Variants in ANKRD44 observed in about 807,000 individuals in gnomAD.
The protein encoded by ANKRD44 is serine/threonine-protein phosphatase 6 regulatory ankyrin repeat subunit B.
Under a neutral mutation model 116.0 loss-of-function variants are expected in ANKRD44, and 35 were observed. That is an observed-to-expected ratio of 0.30 (90% CI 0.23 to 0.40). The LOEUF (loss-of-function observed/expected upper bound fraction) is 0.40, where lower values mean the gene tolerates loss of function less well. Among genes scored for constraint, ANKRD44 ranks in the 10% least tolerant of loss-of-function variants. The pLI, the probability that ANKRD44 is intolerant of heterozygous loss-of-function variation, is 1.00. For synonymous variants in ANKRD44, 435 were observed against 461.8 expected, an observed-to-expected ratio of 0.94 and a Z score of 0.74; for missense variants, 1,014 against 1,242.6, an observed-to-expected ratio of 0.82 and a Z score of 2.77.
rs768204196 is a variant in ANKRD44 at position 197,136,528 on chromosome 2, G to A, written c.261+64C>T. 62 of 1,477,620 alleles carry A rather than the reference G, an allele frequency of 4.2e-5. No individual in the cohort carries two copies. In the South Asian group the frequency reaches 6.1e-4, roughly 15 times the overall value. 91.5% of individuals were successfully genotyped at this position (1,477,620 alleles called of 1,614,324 possible). A position where few individuals can be genotyped will look rare whatever the true frequency, so the allele number is the denominator to read the frequency against. On this transcript the variant is annotated intron_variant, in intron 4 of 27. Transcript: ENST00000282272. The stretch of plus-strand genomic sequence containing the variant: ...GCTTACCAGTAAGGATTCTTAATTC[G>A]CTAGCAAGACTTTTTCTTTTTCTAG...
At chr2:197,296,974 C>G (rs1392354303) in intron 1 of ANKRD44, among the ~76,000 whole-genome samples, 2 of 152,014 alleles carry the variant, frequency 1.3e-5, no homozygotes, top group African/African-American at 4.8e-5. Flanking sequence ...ATGAAGATTA[C>G]TCTATCAACT....
At chr2:197,115,872 T>G (rs1413169392) in intron 8 of ANKRD44, among the ~76,000 whole-genome samples, 1 of 152,070 alleles carries the variant, frequency 6.6e-6, no homozygotes, top group Non-Finnish European at 1.5e-5. Context: ...CAAAGAGATT[T>G]AGGAAATCGG....
Position 197,048,596 on chromosome 2 carries a change from G to A in ANKRD44, c.1651-23329C>T, listed in dbSNP as rs112106914. On this transcript the variant is annotated intron_variant, in intron 16 of 27. Coordinates refer to ENST00000282272, the MANE Select transcript of ANKRD44 (RefSeq NM_001195144.2). ...TCTTAATCCAGCCTATCATTGATGG[G>A]CATTTGGGTTGGTTCCAAGTCTTTG... is the stretch of plus-strand genomic sequence containing the variant. Among the ~76,000 whole-genome samples, 1,138 of 152,258 alleles carry A rather than the reference G, an allele frequency of 7.5e-3. 17 individuals carry two copies. Among genetic ancestry groups the A allele is most frequent in the African/African-American group, 0.026 (1,070 of 41,540 alleles).
At chr2:197,210,432 G>A (rs957653838) in intron 1 of ANKRD44, among the ~76,000 whole-genome samples, 3 of 152,232 alleles carry the variant, frequency 2.0e-5, no homozygotes, top group Non-Finnish European at 2.9e-5. Flanking sequence ...TAAAGCTAGT[G>A]AGGGGCTGAG....
chr2:197,109,623 C>T (rs552383781), intron 9 of ANKRD44, among the ~76,000 whole-genome samples: 25 of 152,018 alleles, frequency 1.6e-4, no homozygotes, highest in Admixed American at 5.9e-4. Context: ...GTATGTGGTC[C>T]GAAATTCTTA....
chr2:197,004,819 T>C (rs2076174114), intron 21 of ANKRD44, among the ~76,000 whole-genome samples: 1 of 152,134 alleles, frequency 6.6e-6, no homozygotes, highest in African/African-American at 2.4e-5. Context: ...CATTGCTGCA[T>C]TGCTTGTAAT....
At chr2:197,009,454 C>A (rs749258967) in intron 18 of ANKRD44, among the ~76,000 whole-genome samples, 1 of 151,980 alleles carries the variant, frequency 6.6e-6, no homozygotes, top group Non-Finnish European at 1.5e-5. Flanking sequence ...TGGCTCACTG[C>A]AACCTCCGCC....
rs1250562927 is a variant in ANKRD44, at chr2:197,092,489, A to G, written c.1101-2457T>C. On this transcript the variant is annotated intron_variant, in intron 10 of 27. Coordinates refer to ENST00000282272, the MANE Select transcript of ANKRD44 (RefSeq NM_001195144.2). Reference sequence around the variant, plus strand: ...GGTATTCAGGGTTTTGCAAAATTCAATTCTGACAGCAATTAACCACTGTTT... The same window carrying G: ...GGTATTCAGGGTTTTGCAAAATTCAGTTCTGACAGCAATTAACCACTGTTT... Among the ~76,000 whole-genome samples, 3 of 152,352 alleles carry G rather than the reference A, an allele frequency of 2.0e-5. No individual in the cohort carries two copies. The East Asian group carries it at 5.8e-4, about 29-fold the overall frequency.
chr2:197,236,556 C>T (rs1217612577), intron 1 of ANKRD44, among the ~76,000 whole-genome samples: 1 of 152,068 alleles, frequency 6.6e-6, no homozygotes, highest in Non-Finnish European at 1.5e-5. Flanking sequence ...GTCTATGGGG[C>T]CTACTAGTTG....
intron 26 of ANKRD44, 55 bp from the exon 27 acceptor site, chr2:196,993,729 G>A: frequency 6.9e-7 from 1 of 1,447,800 alleles, no homozygotes; most frequent in Non-Finnish European, 9.5e-7. Context: ...TGAGAATGTG[G>A]AATTTTTGTT....
intron 9 of ANKRD44, among the ~76,000 whole-genome samples, chr2:197,102,093 C>T (rs189982233): frequency 3.3e-5 from 5 of 152,236 alleles, no homozygotes; most frequent in African/African-American, 9.6e-5. Context: ...AAAAAATCCC[C>T]CTACTTAACA....
intron 9 of ANKRD44, among the ~76,000 whole-genome samples, chr2:197,102,751 T>C (rs542291580): frequency 3.9e-5 from 6 of 152,120 alleles, no homozygotes; most frequent in Admixed American, 1.3e-4. Flanking sequence ...TAGAAATATG[T>C]GAATGGCTTA....
chr2:197,253,995 G>A (rs866004024), intron 1 of ANKRD44, among the ~76,000 whole-genome samples: 32 of 152,196 alleles, frequency 2.1e-4, no homozygotes, highest in African/African-American at 6.8e-4. Flanking sequence ...CACAATGGGA[G>A]TATTCTGTAC....
intron 17 of ANKRD44, among the ~76,000 whole-genome samples, chr2:197,023,822 G>A (rs537431516): frequency 4.6e-5 from 7 of 152,242 alleles, no homozygotes; most frequent in Admixed American, 3.9e-4. Context: ...CTGTACTAAG[G>A]GCCAACTGGC....
At chr2:197,154,426 G>A (rs932855002) in intron 2 of ANKRD44, among the ~76,000 whole-genome samples, 13 of 151,900 alleles carry the variant, frequency 8.6e-5, no homozygotes, top group Non-Finnish European at 1.8e-4. Context: ...TGATCCGCCC[G>A]CCTCGGCCTC....
At chr2:197,143,011 T>A (rs951203815) in intron 3 of ANKRD44, among the ~76,000 whole-genome samples, 36 of 151,248 alleles carry the variant, frequency 2.4e-4, no homozygotes, top group Admixed American at 2.6e-4. Flanking sequence ...AATTAAAATT[T>A]AAAAAATAAA....
downstream of ANKRD44, among the ~76,000 whole-genome samples, chr2:196,985,761 C>T (rs140473056): frequency 1.5e-4 from 23 of 152,248 alleles, no homozygotes; most frequent in African/African-American, 5.1e-4. Flanking sequence ...CAAGTCTCTT[C>T]GTCAATAGCT....
chr2:197,266,586 A>T (rs1156839337), intron 1 of ANKRD44, among the ~76,000 whole-genome samples: 3 of 150,210 alleles, frequency 2.0e-5, no homozygotes, highest in Non-Finnish European at 4.4e-5. Context: ...TAACCAAAAG[A>T]CTTGACCTTG....
chr2:197,016,214 G>A (rs1451697885), intron 17 of ANKRD44, among the ~76,000 whole-genome samples: 2 of 152,132 alleles, frequency 1.3e-5, no homozygotes, highest in East Asian at 1.9e-4. Context: ...CACAGCCACC[G>A]TTTGCAAAAC....
Sources: gnomAD v4.1 joint callset for allele counts (sites outside exome capture counted in the v4.1 genomes callset) on GRCh38, gnomAD v4.1.1 for gene constraint, MANE v1.5 for transcripts, NCBI Gene and HGNC (gene_info 2026-07-23, HGNC 2026-07-21) for gene names.